LMO7: variants seen among roughly 807,000 people sequenced by gnomAD.
LMO7 encodes the protein LIM domain only protein 7.
Under a neutral mutation model 206.5 loss-of-function variants are expected in LMO7, and 120 were observed. The observed-to-expected ratio is 0.58, with a 90% CI of 0.50 to 0.68. The LOEUF (loss-of-function observed/expected upper bound fraction) is 0.68. Ranked by LOEUF, LMO7 falls within the 30% of genes least tolerant of loss-of-function variation. The pLI is 0.00. For synonymous variants in LMO7, 706 were observed against 681.5 expected, an observed-to-expected ratio of 1.04 and a Z score of -0.56; for missense variants, 1,959 against 1,957.9, an observed-to-expected ratio of 1.00 and a Z score of -0.01.
At chr13:75,834,532 C>T (rs1383694696) in intron 17 of LMO7, 145 bp downstream of exon 17, 1 of 559,718 alleles carries the variant, frequency 1.8e-6, no homozygotes, top group Non-Finnish European at 3.0e-6. Flanking sequence ...CATGACAAAT[C>T]TTGAACCCTA....
chr13:75,770,652 G>A (rs550140402), intron 4 of LMO7, among the ~76,000 whole-genome samples: 2 of 152,212 alleles, frequency 1.3e-5, no homozygotes, highest in East Asian at 1.9e-4. Flanking sequence ...GAATAGCAAC[G>A]AGGTTAGGAA....
At position 75,690,063 on chromosome 13, in the gene LMO7, C is replaced by CTT. The variant is rs535921450; in HGVS notation, c.70-23107_70-23106dup. Among the ~76,000 whole-genome samples, 41 of 144,568 alleles carry CTT rather than the reference C, an allele frequency of 2.8e-4. No homozygotes were observed. In the East Asian group the frequency reaches 7.0e-3, roughly 25 times the overall value. The allele number at this position is 144,568 out of a possible 152,430, so 94.8% of individuals were successfully genotyped here. ...AGAGCCAGGAAGGTGCTGAGCCCTC[C>CTT]TTTTTTTTTTTTTCTTAAACAGTTC... On this transcript the variant is annotated intron_variant, in intron 1 of 30. Coordinates refer to ENST00000377534, the MANE Select transcript of LMO7 (RefSeq NM_001306080.2).
intron 2 of LMO7, among the ~76,000 whole-genome samples, chr13:75,726,309 G>A (rs1396114129): frequency 6.6e-6 from 1 of 151,958 alleles, no homozygotes; most frequent in Non-Finnish European, 1.5e-5. Flanking sequence ...TCGTACTCAA[G>A]TTTCAGTTGT....
At chr13:75,734,898 G>T (rs944471741) in intron 3 of LMO7, among the ~76,000 whole-genome samples, 1 of 152,084 alleles carries the variant, frequency 6.6e-6, no homozygotes, top group African/African-American at 2.4e-5. Flanking sequence ...AGGAGATGAC[G>T]ACCATCCTGG....
intron 2 of LMO7, among the ~76,000 whole-genome samples, chr13:75,630,063 C>T (rs1247084013): frequency 1.3e-5 from 2 of 152,174 alleles, no homozygotes; most frequent in Non-Finnish European, 2.9e-5. Flanking sequence ...TTGCATAAAA[C>T]CTACACAGTC....
intron 14 of LMO7, among the ~76,000 whole-genome samples, chr13:75,822,808 T>TTATATATATATAATAAAATATA (rs1555337601): frequency 1.8e-4 from 20 of 108,134 alleles, no homozygotes; most frequent in East Asian, 7.4e-4. Context: ...TTTCTAAAAA[T>TTATATATATATAATAAAATATA]TATATATATA....
chr13:75,623,853 G>C (rs1231075355), intron 2 of LMO7, among the ~76,000 whole-genome samples: 1 of 152,090 alleles, frequency 6.6e-6, no homozygotes, highest in Non-Finnish European at 1.5e-5. Context: ...TGATGTGATG[G>C]GTAATGCTCT....
chr13:75,687,637 CA>C lies in LMO7; in HGVS notation c.70-25542del, dbSNP rs199645731. Reference sequence around the variant, plus strand: ...TGCTTTTTTATTGAAATATTTTATTCAAAGGAACAGAAAATTAATGGCTTTT... The same window carrying C: ...TGCTTTTTTATTGAAATATTTTATTCAAGGAACAGAAAATTAATGGCTTTT... On this transcript the variant is annotated intron_variant, in intron 1 of 30. Coordinates refer to ENST00000377534, the MANE Select transcript of LMO7 (RefSeq NM_001306080.2). 2.6e-4 allele frequency among the ~76,000 whole-genome samples: 39 copies of C among 151,594 alleles called. 1 individual carries two copies. In the East Asian group the frequency reaches 7.0e-3, roughly 27 times the overall value.
intron 3 of LMO7, among the ~76,000 whole-genome samples, chr13:75,759,981 G>A (rs2048018411): frequency 6.6e-6 from 1 of 152,024 alleles, no homozygotes; most frequent in Admixed American, 6.6e-5. Context: ...CTTTACCAGC[G>A]AACTGTAACA....
At chr13:75,626,596 T>TATATATATATATA (rs2034212591) in intron 2 of LMO7, among the ~76,000 whole-genome samples, 4 of 119,940 alleles carry the variant, frequency 3.3e-5, no homozygotes, top group South Asian at 2.5e-4. Flanking sequence ...TATATATAAA[T>TATATATATATATA]TTTTTTGAGA....
intron 4 of LMO7, among the ~76,000 whole-genome samples, chr13:75,774,105 C>G (rs1372888272): frequency 6.6e-6 from 1 of 151,942 alleles, no homozygotes; most frequent in East Asian, 1.9e-4. Flanking sequence ...GTATCATTTA[C>G]CTATAACAAA....
intron 2 of LMO7, among the ~76,000 whole-genome samples, chr13:75,723,988 GC>G (rs1287573888): frequency 6.6e-6 from 1 of 152,076 alleles, no homozygotes; most frequent in Non-Finnish European, 1.5e-5. Context: ...TGTGGAAGGG[GC>G]AAGGCAGCTT....
intron 3 of LMO7, among the ~76,000 whole-genome samples, chr13:75,758,912 C>A (rs1448922725): frequency 2.6e-5 from 4 of 152,136 alleles, no homozygotes; most frequent in Admixed American, 1.3e-4. Flanking sequence ...ATGAGACTTG[C>A]ATCCTGTGTG....
intron 15 of LMO7, among the ~76,000 whole-genome samples, chr13:75,827,265 G>A (rs370523021): frequency 2.6e-5 from 4 of 152,316 alleles, no homozygotes; most frequent in South Asian, 2.1e-4. Context: ...GTGCTTTAGT[G>A]TGTGGGAATT....
chr13:75,633,407 A>G (rs148595709), upstream of LMO7, among the ~76,000 whole-genome samples: 7 of 152,310 alleles, frequency 4.6e-5, no homozygotes, highest in African/African-American at 1.7e-4. Flanking sequence ...AATGAGCCTA[A>G]CAAACAAAAA....
intron 1 of LMO7, among the ~76,000 whole-genome samples, chr13:75,646,378 T>C (rs1034945234): frequency 2.0e-5 from 3 of 152,170 alleles, no homozygotes; most frequent in Non-Finnish European, 4.4e-5. Context: ...AAGTCAGAGA[T>C]TATACATCCG....
chr13:75,686,526 CTTTTTTT>C (rs3036372), intron 1 of LMO7, among the ~76,000 whole-genome samples: 3 of 135,860 alleles, frequency 2.2e-5, no homozygotes, highest in African/African-American at 8.2e-5. Flanking sequence ...CCTATCTTAC[CTTTTTTT>C]TTTTTTTTTT....
At chr13:75,838,233 G>A (rs2059290723) in intron 20 of LMO7, 37 bp downstream of exon 20, 2 of 1,565,966 alleles carry the variant, frequency 1.3e-6, no homozygotes, top group East Asian at 2.2e-5. Context: ...CACTTTCATG[G>A]AATTGTTCTC....
chr13:75,812,949 G>C (rs1300975886), intron 11 of LMO7, among the ~76,000 whole-genome samples: 1 of 152,196 alleles, frequency 6.6e-6, no homozygotes, highest in Non-Finnish European at 1.5e-5. Flanking sequence ...CAATTTTCCT[G>C]ATGCTATCTT....
Sources: allele counts gnomAD v4.1 joint callset (sites outside exome capture counted in the v4.1 genomes callset), GRCh38; gene constraint gnomAD v4.1.1; transcripts MANE v1.5; gene names NCBI Gene and HGNC (gene_info 2026-07-23, HGNC 2026-07-21).